ARMH4: variants seen among roughly 807,000 people sequenced by gnomAD.
ARMH4 encodes the protein armadillo-like helical domain-containing protein 4.
In ARMH4, 49 loss-of-function variants were observed where a neutral mutation model predicts 61.9. That is an observed-to-expected ratio of 0.79 (90% CI 0.63 to 1.00). The LOEUF (loss-of-function observed/expected upper bound fraction) is 1.00. Ranked by LOEUF, ARMH4 falls within the 50% of genes least tolerant of loss-of-function variation. The pLI is 0.00. For synonymous variants in ARMH4, 368 were observed against 341.5 expected (o/e 1.08, Z -0.85); for missense variants, 934 against 930.0 (o/e 1.00, Z -0.06).
intron 5 of ARMH4, among the ~76,000 whole-genome samples, chr14:58,070,314 CA>C (rs1317340887): frequency 6.6e-6 from 1 of 152,072 alleles, no homozygotes; most frequent in African/African-American, 2.4e-5. Context: ...AAGGTGGGCC[CA>C]AATACACTGG....
At chr14:58,079,589 G>C (rs889189725) in intron 5 of ARMH4, among the ~76,000 whole-genome samples, 3 of 150,682 alleles carry the variant, frequency 2.0e-5, no homozygotes, top group Admixed American at 2.0e-4. Context: ...AGTAGGTATA[G>C]AGAAAGATCC....
At position 58,131,607 on chromosome 14, in the gene ARMH4, G is replaced by A; in HGVS notation, c.1736C>T (p.Ala579Val). The A allele has an allele frequency of 6.2e-7, 1 of 1,614,158 alleles. No homozygotes were observed. Among genetic ancestry groups the A allele is most frequent in the Non-Finnish European group, 8.5e-7 (1 of 1,180,006 alleles). The change falls in exon 4 of 8, where the codon GCT (alanine) becomes GTT (valine). Residue 579 changes from alanine (A) to valine (V), a missense_variant. By Grantham distance (64) the Ala-to-Val change is moderately conservative. Transcript: ENST00000267485. ...GEPSISPALP[A>V]LEASSERRTV... ...TCTTCTCTCAGAGGATGCCTCCAAA[G>A]CAGGAAGTGCAGGGGAAATGCTGGG...
intron 5 of ARMH4, among the ~76,000 whole-genome samples, chr14:58,088,922 A>C (rs1885468012): frequency 6.6e-6 from 1 of 152,128 alleles, no homozygotes; most frequent in Non-Finnish European, 1.5e-5. Flanking sequence ...TCCCTACATA[A>C]ACAGAAGCTG....
intron 5 of ARMH4, among the ~76,000 whole-genome samples, chr14:58,025,595 CTTG>C (rs908143873): frequency 1.3e-5 from 2 of 152,078 alleles, no homozygotes; most frequent in Non-Finnish European, 2.9e-5. Context: ...CTTTTTCTTT[CTTG>C]TTATTTAACC....
intron 4 of ARMH4, among the ~76,000 whole-genome samples, chr14:58,098,798 A>G (rs1410319420): frequency 4.0e-5 from 6 of 150,786 alleles, no homozygotes; most frequent in Admixed American, 3.3e-4. Context: ...TAAGTCTTTT[A>G]TTTATTTCAA....
intron 5 of ARMH4, among the ~76,000 whole-genome samples, chr14:58,019,585 C>T (rs1396864865): frequency 6.6e-6 from 1 of 151,760 alleles, no homozygotes; most frequent in Non-Finnish European, 1.5e-5. Context: ...GATAAAATAA[C>T]ATTTCCTCCA....
intron 5 of ARMH4, among the ~76,000 whole-genome samples, chr14:58,013,052 C>A (rs942124223): frequency 1.3e-5 from 2 of 152,132 alleles, no homozygotes; most frequent in Non-Finnish European, 2.9e-5. Context: ...ATTTTACCTT[C>A]ATTATCAAAC....
intron 5 of ARMH4, among the ~76,000 whole-genome samples, chr14:58,017,063 C>A (rs1182437622): frequency 6.6e-6 from 1 of 152,192 alleles, no homozygotes; most frequent in Non-Finnish European, 1.5e-5. Context: ...CACCTGTAAT[C>A]CCAGCACTTC....
chr14:58,076,276 T>C (rs912871392), intron 5 of ARMH4, among the ~76,000 whole-genome samples: 4 of 152,244 alleles, frequency 2.6e-5, no homozygotes, highest in Non-Finnish European at 1.5e-5. Context: ...TGGAAAACAC[T>C]GTGGGGATGA....
At chr14:58,120,879 T>C (rs1566589669) in intron 4 of ARMH4, among the ~76,000 whole-genome samples, 1 of 152,192 alleles carries the variant, frequency 6.6e-6, no homozygotes, top group South Asian at 2.1e-4. Flanking sequence ...TTTCAACATA[T>C]GGCAAAGAAA....
At chr14:58,031,947 C>T (rs557027541) in intron 5 of ARMH4, among the ~76,000 whole-genome samples, 7 of 152,188 alleles carry the variant, frequency 4.6e-5, no homozygotes, top group Admixed American at 3.9e-4. Flanking sequence ...AAGCTTTCTA[C>T]TGCCCTCAGG....
At chr14:58,115,957 A>T (rs556390048) in intron 4 of ARMH4, among the ~76,000 whole-genome samples, 1 of 152,290 alleles carries the variant, frequency 6.6e-6, no homozygotes, top group South Asian at 2.1e-4. Flanking sequence ...ACTATCTAGT[A>T]CTACGCTCAC....
intron 5 of ARMH4, among the ~76,000 whole-genome samples, chr14:58,033,221 C>T (rs1023957967): frequency 1.7e-5 from 2 of 116,900 alleles, no homozygotes; most frequent in Admixed American, 8.3e-5. Flanking sequence ...GGGCAGACTG[C>T]CTCCTCAAGT....
In ARMH4 at chr14:58,126,340, C is replaced by T. The variant is rs189029292; in HGVS notation, c.1831+5172G>A. On this transcript the variant is annotated intron_variant, in intron 4 of 7. Transcript: ENST00000267485. ...TCAGAAATGACTTTCTCCTGAAATT[C>T]CCGTTATCAGTAAAGAAGACCGCAG... is the stretch of plus-strand genomic sequence containing the variant. Among the ~76,000 whole-genome samples, 842 of 152,218 alleles carry T rather than the reference C, an allele frequency of 5.5e-3. 23 individuals are homozygous for T. Among genetic ancestry groups the T allele is most frequent in the Non-Finnish European group, 4.6e-3 (314 of 68,032 alleles).
chr14:58,138,663 C>A lies in ARMH4; in HGVS notation c.696G>T (p.Arg232Ser), dbSNP rs1486193003. Residue 232 changes from arginine to serine, a missense_variant, in exon 2 of 8, where the codon AGG becomes AGT. Coordinates refer to ENST00000267485, the MANE Select transcript of ARMH4 (RefSeq NM_001001872.4). The part of the protein sequence containing the change: ...TEKFEADTDH[R>S]TTSFPGAEST... ...ACTCAGCACCAGGAAAAGAAGTTGT[C>A]CTGTGGTCTGTGTCTGCTTCAAATT... is the stretch of plus-strand genomic sequence containing the variant. 5.6e-6 allele frequency: 9 copies of A among 1,614,132 alleles called. No individual in the cohort carries two copies. The East Asian group carries it at 1.3e-4, about 24-fold the overall frequency.
intron 5 of ARMH4, 146 bp downstream of exon 5, chr14:58,096,578 C>G: frequency 2.4e-6 from 2 of 843,048 alleles, no homozygotes; most frequent in African/African-American, 1.7e-5. Context: ...TACTTATATT[C>G]TTAACCACCC....
intron 5 of ARMH4, among the ~76,000 whole-genome samples, chr14:58,019,209 T>C (rs1882724257): frequency 6.6e-6 from 1 of 152,224 alleles, no homozygotes; most frequent in African/African-American, 2.4e-5. Flanking sequence ...TTAATCGCAA[T>C]GTATTGTATT....
intron 5 of ARMH4, among the ~76,000 whole-genome samples, chr14:58,068,111 AT>A (rs895506686): frequency 6.6e-6 from 1 of 152,202 alleles, no homozygotes; most frequent in Non-Finnish European, 1.5e-5. Flanking sequence ...CTGAAAAGAT[AT>A]CCTGTAAAAG....
At chr14:58,042,397 C>T (rs1020250007) in intron 5 of ARMH4, among the ~76,000 whole-genome samples, 2 of 152,154 alleles carry the variant, frequency 1.3e-5, no homozygotes, top group Non-Finnish European at 2.9e-5. Flanking sequence ...TTCTTTAAAA[C>T]CAATGAGAAC....
Sources: allele counts gnomAD v4.1 joint callset (sites outside exome capture counted in the v4.1 genomes callset), GRCh38; gene constraint gnomAD v4.1.1; transcripts MANE v1.5; gene names NCBI Gene and HGNC (gene_info 2026-07-23, HGNC 2026-07-21).